Variants in MUC22 observed in about 807,000 individuals in gnomAD.
MUC22 encodes the protein mucin 22.
A neutral mutation model predicts 40.3 loss-of-function variants in MUC22; 24 were observed. The ratio of observed to expected loss-of-function variants is 0.60; its 90% confidence interval spans 0.43 to 0.84. The LOEUF is 0.84. Among genes scored for constraint, MUC22 ranks in the 40% least tolerant of loss-of-function variants. The pLI is 0.00. For missense variants in MUC22, 1,926 were observed against 2,130.7 expected (o/e 0.90, Z 1.89); for synonymous variants, 765 against 844.5 (o/e 0.91, Z 1.63).
At chr6:31,010,526 C>G (rs1382719247) in exon 1 of MUC22, 1 of 565,778 alleles carries the variant, frequency 1.8e-6, no homozygotes, top group East Asian at 2.8e-5. Flanking sequence ...GGGGCTCCCC[C>G]CAACCATGCC....
At chr6:31,012,372 G>C (rs1372842855) in intron 1 of MUC22, among the ~76,000 whole-genome samples, 1 of 152,064 alleles carries the variant, frequency 6.6e-6, no homozygotes, top group Non-Finnish European at 1.5e-5. Context: ...TGCTTCAACT[G>C]TTCTCTACCT....
At chr6:31,024,343 G>T (rs1335819201) in intron 1 of MUC22, among the ~76,000 whole-genome samples, 2 of 151,626 alleles carry the variant, frequency 1.3e-5, no homozygotes, top group Non-Finnish European at 2.9e-5. Flanking sequence ...TGATCTTGAT[G>T]GCTGTATTAT....
chr6:31,032,247 C>G lies in MUC22; in HGVS notation c.4721C>G (p.Ala1574Gly). The G allele has an allele frequency of 6.5e-7, 1 of 1,535,592 alleles. No individual in the cohort carries two copies. Among genetic ancestry groups the G allele is most frequent in the Non-Finnish European group, 8.7e-7 (1 of 1,146,846 alleles). The change falls in exon 3 of 4, where the codon GCC (alanine) becomes GGC (glycine). Residue 1574 changes from alanine (A) to glycine (G), a missense_variant. By Grantham distance (60) the Ala-to-Gly change is moderately conservative (BLOSUM62 0). Coordinates refer to ENST00000561890, the Ensembl canonical transcript of MUC22. This position sits in a 1 kb window ranked among gnomAD's most constrained non-coding sequence, Gnocchi z 4.1. ...ACTGCCTCCAGCTCTGTCACCATGG[C>G]CCCTGGAATGGACTTCACGGCCTCT...
intron 2 of MUC22, among the ~76,000 whole-genome samples, chr6:31,030,807 T>A (rs1432181523): frequency 6.6e-6 from 1 of 152,222 alleles, no homozygotes; most frequent in Non-Finnish European, 1.5e-5. Flanking sequence ...GACCAGAGGC[T>A]GGCAGACCAC....
upstream of MUC22, among the ~76,000 whole-genome samples, chr6:31,007,134 T>C (rs1763572172): frequency 6.6e-6 from 1 of 152,144 alleles, no homozygotes; most frequent in Admixed American, 6.6e-5. The surrounding 1 kb of genome is among the most constrained non-coding windows in gnomAD (Gnocchi z 4.0). Flanking sequence ...ATTACATTCT[T>C]TGCAATAATT....
At chr6:31,031,862 C>T (rs1042008021) in intron 2 of MUC22, among the ~76,000 whole-genome samples, 5 of 152,228 alleles carry the variant, frequency 3.3e-5, no homozygotes, top group South Asian at 4.2e-4. Context: ...TTTTATCAGC[C>T]CACCCTCTTC....
rs1168033969 is a variant in MUC22, at chr6:31,034,657, A to AT, written c.5056-8dup. On this transcript the variant is annotated splice_polypyrimidine_tract_variant and intron_variant, in intron 3 of 3. Transcript: ENST00000561890. ...TTAATTTTCATTTATCAATGTATTT[A>AT]TTTTTTTCTTTTAGAGAAACCTTTT... 18 of 1,519,422 alleles carry AT rather than the reference A, an allele frequency of 1.2e-5. No homozygotes were observed. Among genetic ancestry groups the AT allele is most frequent in the South Asian group, 1.2e-5 (1 of 82,556 alleles). The allele number at this position is 1,519,422 out of a possible 1,614,324, so 94.1% of individuals were successfully genotyped here.
At chr6:31,033,781 G>A (rs1035229679) in intron 3 of MUC22, among the ~76,000 whole-genome samples, 1 of 152,300 alleles carries the variant, frequency 6.6e-6, no homozygotes, top group African/African-American at 2.4e-5. Context: ...TTCCCTCGGA[G>A]AGCCTGTTAT....
chr6:31,028,013 C>A lies in MUC22; in HGVS notation c.2582C>A (p.Ala861Glu), dbSNP rs952363173. 4.6e-6 allele frequency: 7 copies of A among 1,532,430 alleles called. No individual in the cohort carries two copies. In the African/African-American group the frequency reaches 8.3e-5, roughly 18 times the overall value. The allele number at this position is 1,532,430 out of a possible 1,614,324, so 94.9% of individuals were successfully genotyped here. A position where few individuals can be genotyped will look rare whatever the true frequency, so the allele number is the denominator to read the frequency against. ...TCTGAGAACACCACAGCATCTACTG[C>A]AGATTCTGAGACCACCTCAGCCTCT... Residue 861 changes from alanine to glutamate, a missense_variant, in exon 2 of 4, where the codon GCA (alanine) becomes GAA (glutamate). Transcript: ENST00000561890.
chr6:31,021,839 T>C, intron 1 of MUC22, among the ~76,000 whole-genome samples: 1 of 152,136 alleles, frequency 6.6e-6, no homozygotes, highest in African/African-American at 2.4e-5. Flanking sequence ...AGTGGCAACC[T>C]GCTTGGGTCG....
In MUC22 at chr6:31,032,283, A is replaced by G. The variant is rs1234432568; in HGVS notation, c.4757A>G (p.His1586Arg). The G allele has an allele frequency of 5.2e-6, 8 of 1,535,500 alleles. No homozygotes were observed. In the South Asian group the frequency reaches 5.9e-5, roughly 11 times the overall value. Residue 1586 changes from histidine to arginine, a missense_variant, in exon 3 of 4, where the codon CAT (histidine) becomes CGT (arginine). Around this residue, in one of 3 missense-constraint regions of MUC22, gnomAD observed 610 missense variants for 714.6 expected, o/e 0.85. Transcript: ENST00000561890. The surrounding 1 kb of genome is among the most constrained non-coding windows in gnomAD (Gnocchi z 4.1). ...GACTTCACGGCCTCTGCTGCCAGCC[A>G]TACTGTGCCAGGAATAGTCTTAAAC...
At position 31,021,910 on chromosome 6, in the gene MUC22, CTTTT is replaced by C. The variant is rs1446371473; in HGVS notation, c.71-3590_71-3587del. Reference sequence around the variant, plus strand: ...TTGCAATAGATTTTGCTACTGCTCACTTTTTGGGTCTACACTGTTTTTATGATCT... The same window carrying C: ...TTGCAATAGATTTTGCTACTGCTCACTGGGTCTACACTGTTTTTATGATCT... On this transcript the variant is annotated intron_variant, in intron 1 of 3. Coordinates refer to ENST00000561890, the Ensembl canonical transcript of MUC22. Among the ~76,000 whole-genome samples, 3 of 152,096 alleles carry C rather than the reference CTTTT, an allele frequency of 2.0e-5. 1 individual carries two copies. The highest frequency in any genetic ancestry group is 2.0e-4 in the Admixed American group (3 of 15,272).
rs961071922 is a variant in MUC22, at chr6:31,027,533, C to A, written c.2102C>A (p.Ser701Ter). 1.3e-6 allele frequency: 2 copies of A among 1,529,200 alleles called. No homozygotes were observed. Among genetic ancestry groups the A allele is most frequent in the Non-Finnish European group, 8.7e-7 (1 of 1,143,780 alleles). 94.7% of individuals were successfully genotyped at this position (1,529,200 alleles called of 1,614,324 possible). A position where few individuals can be genotyped will look rare whatever the true frequency, so the allele number is the denominator to read the frequency against. ...TCTGAGATCACAATAGCCTCTACTT[C>A]AGACTCTGAGACCACCACAGCTTCT... The change falls in exon 2 of 4, where the codon TCA becomes TAA. Residue 701 changes from serine (S) to a stop codon, truncating the protein, a stop_gained. Coordinates refer to ENST00000561890, the Ensembl canonical transcript of MUC22. LOFTEE classifies it high-confidence loss of function.
At chr6:31,031,592 G>C (rs1470074427) in intron 2 of MUC22, among the ~76,000 whole-genome samples, 1 of 152,134 alleles carries the variant, frequency 6.6e-6, no homozygotes, top group African/African-American at 2.4e-5. Context: ...GTGGTGATTT[G>C]TGAGATTTTG....
At chr6:31,014,417 C>G (rs937695195) in intron 1 of MUC22, among the ~76,000 whole-genome samples, 3 of 151,926 alleles carry the variant, frequency 2.0e-5, no homozygotes, top group Middle Eastern at 3.2e-3. Context: ...CCAACCAGTA[C>G]TGGTTGCTTG....
At chr6:31,022,108 G>A (rs986232500) in intron 1 of MUC22, among the ~76,000 whole-genome samples, 2 of 151,988 alleles carry the variant, frequency 1.3e-5, no homozygotes, top group Admixed American at 6.6e-5. Context: ...CCCACCAGAA[G>A]GAAGAAACTC....
At chr6:31,028,513 T>C in exon 2 of MUC22, 1 of 1,531,678 alleles carries the variant, frequency 6.5e-7, no homozygotes, top group Middle Eastern at 1.7e-4. Context: ...CACCATGGCA[T>C]CCATCATGGG....
exon 2 of MUC22, chr6:31,026,504 C>G: frequency 1.3e-6 from 2 of 1,506,778 alleles, no homozygotes; most frequent in Non-Finnish European, 1.8e-6. Flanking sequence ...GAGACCACTA[C>G]AGTCTCTATC....
chr6:31,015,218 G>T (rs971981000), intron 1 of MUC22, among the ~76,000 whole-genome samples: 1 of 152,192 alleles, frequency 6.6e-6, no homozygotes, highest in African/African-American at 2.4e-5. Flanking sequence ...CTGCATATCA[G>T]CTCATGCTCC....
Sources: gnomAD v4.1 joint callset for allele counts (sites outside exome capture counted in the v4.1 genomes callset) on GRCh38, gnomAD v4.1.1 for gene constraint, gnomAD v4.1.1 regional missense constraint, Gnocchi (gnomAD v3.1) non-coding constraint, MANE v1.5 for transcripts, NCBI Gene and HGNC (gene_info 2026-07-23, HGNC 2026-07-21) for gene names.